Variants in SUMF1 observed in about 807,000 individuals in gnomAD.
SUMF1 encodes the protein sulfatase modifying factor 1.
Under a neutral mutation model 47.6 loss-of-function variants are expected in SUMF1, and 48 were observed. The observed-to-expected ratio is 1.01, with a 90% CI of 0.80 to 1.28. The LOEUF is 1.28. SUMF1 is among the 50% of genes most tolerant of loss of function. The probability of loss-of-function intolerance (pLI) is 0.00; values close to 1 mark genes in which losing one functional copy is unlikely to be tolerated. For missense variants in SUMF1, 571 were observed against 485.4 expected, an observed-to-expected ratio of 1.18 and a Z score of -1.66; for synonymous variants, 230 against 192.1, an observed-to-expected ratio of 1.20 and a Z score of -1.63.
chr3:4,405,412 G>A (rs1466177837), intron 7 of SUMF1, among the ~76,000 whole-genome samples: 1 of 152,084 alleles, frequency 6.6e-6, no homozygotes, highest in Non-Finnish European at 1.5e-5. Context: ...TTTGAGACTG[G>A]GTCTGGCTCT....
At position 4,313,098 on chromosome 3, in the gene SUMF1, T is replaced by G. The variant is rs1426526420; in HGVS notation, c.1014+63232A>C. 45 of 1,613,992 alleles carry G rather than the reference T, an allele frequency of 2.8e-5. No individual in the cohort carries two copies. Among genetic ancestry groups the G allele is most frequent in the Non-Finnish European group, 3.6e-5 (42 of 1,179,960 alleles). On this transcript the variant is annotated intron_variant and NMD_transcript_variant, in intron 8 of 12. Coordinates refer to the SUMF1 transcript ENST00000448413. ...ATGCAGAGCCTGTTTTTGAATGCAA[T>G]GTCCTGTGCCGATGCAGTGACCACT...
At chr3:4,200,771 C>T (rs1376119977) in intron 8 of SUMF1, among the ~76,000 whole-genome samples, 2 of 152,114 alleles carry the variant, frequency 1.3e-5, no homozygotes, top group African/African-American at 4.8e-5. Context: ...CTCTGGAGAA[C>T]CCTGACTAAT....
chr3:4,234,960 A>G (rs1348419708), intron 8 of SUMF1, among the ~76,000 whole-genome samples: 3 of 152,182 alleles, frequency 2.0e-5, no homozygotes, highest in Admixed American at 2.0e-4. Context: ...TGTATAATAC[A>G]TATCAGAGGT....
At position 4,047,643 on chromosome 3, in the gene SUMF1, GA is replaced by G. The variant is rs147748549; in HGVS notation, c.1191+20925del. On this transcript the variant is annotated intron_variant and NMD_transcript_variant, in intron 9 of 12. Coordinates refer to the SUMF1 transcript ENST00000448413. ...GCTACACCATTCCAGCCATACTAAG[GA>G]GATGCACCTCATTAGGTACTAAATG... Among the ~76,000 whole-genome samples the G allele has an allele frequency of 9.4e-3, 1,426 of 152,224 alleles. 21 individuals are homozygous for G. The highest frequency in any genetic ancestry group is 0.033 in the African/African-American group (1,368 of 41,520).
At chr3:4,186,388 T>A (rs1442656286) in intron 8 of SUMF1, among the ~76,000 whole-genome samples, 1 of 152,120 alleles carries the variant, frequency 6.6e-6, no homozygotes, top group African/African-American at 2.4e-5. Flanking sequence ...GGAAGATAAT[T>A]ATATACAGAG....
At chr3:4,206,938 T>C (rs1176137200) in intron 8 of SUMF1, among the ~76,000 whole-genome samples, 1 of 152,152 alleles carries the variant, frequency 6.6e-6, no homozygotes, top group Non-Finnish European at 1.5e-5. Context: ...TAAATCAATT[T>C]GAAGAGAATT....
intron 8 of SUMF1, among the ~76,000 whole-genome samples, chr3:4,139,620 G>A (rs1446083375): frequency 6.6e-6 from 1 of 151,180 alleles, no homozygotes; most frequent in Non-Finnish European, 1.5e-5. Flanking sequence ...TAAGGGGAGA[G>A]CCAGTTGTTA....
chr3:4,243,969 T>G (rs148378914), intron 8 of SUMF1, among the ~76,000 whole-genome samples: 2 of 152,334 alleles, frequency 1.3e-5, no homozygotes, highest in East Asian at 3.9e-4. Flanking sequence ...ATATTTAGGA[T>G]AGTTAGCTCT....
At chr3:4,176,602 C>T (rs1375868444) in intron 8 of SUMF1, among the ~76,000 whole-genome samples, 1 of 152,108 alleles carries the variant, frequency 6.6e-6, no homozygotes, top group East Asian at 1.9e-4. Context: ...TTGTAAAGAC[C>T]ATCGATGATA....
At position 4,062,046 on chromosome 3, in the gene SUMF1, C is replaced by A. The variant is rs1270357983; in HGVS notation, c.1191+6523G>T. On this transcript the variant is annotated intron_variant and NMD_transcript_variant, in intron 9 of 12. Transcript: ENST00000448413. ...TCTAATACCGTCTCACCCTCTCTCTCCTACACCTCAGCCTGAACAGCACCC... is the reference window on the plus strand; with the variant it reads ...TCTAATACCGTCTCACCCTCTCTCTACTACACCTCAGCCTGAACAGCACCC... 2.0e-5 allele frequency among the ~76,000 whole-genome samples: 3 copies of A among 152,054 alleles called. No homozygotes were observed. The East Asian group carries it at 5.8e-4, about 29-fold the overall frequency.
At chr3:4,431,499 A>T (rs1575213674) in intron 3 of SUMF1, among the ~76,000 whole-genome samples, 1 of 152,170 alleles carries the variant, frequency 6.6e-6, no homozygotes, top group Non-Finnish European at 1.5e-5. Context: ...ATGGGGGACC[A>T]CCCCCATGTC....
intron 7 of SUMF1, among the ~76,000 whole-genome samples, chr3:4,407,866 G>C (rs748397669): frequency 1.4e-4 from 22 of 152,158 alleles, no homozygotes; most frequent in Admixed American, 8.5e-4. Context: ...CCAAGGTGGA[G>C]GATCTATGGT....
At chr3:4,349,200 C>T (rs1373473061) in intron 8 of SUMF1, among the ~76,000 whole-genome samples, 1 of 152,104 alleles carries the variant, frequency 6.6e-6, no homozygotes, top group Non-Finnish European at 1.5e-5. Context: ...AGGATATGAA[C>T]AAACACTTCT....
intron 8 of SUMF1, among the ~76,000 whole-genome samples, chr3:4,309,913 C>T (rs143782264): frequency 0.021 from 3,194 of 152,248 alleles, 43 homozygotes; most frequent in African/African-American, 0.027. Context: ...TAGACAATTT[C>T]GTCATTATGC....
chr3:4,321,486 A>AAAAAAAAAAAAAAAAAAAAAAAC (rs1698831042), intron 8 of SUMF1, among the ~76,000 whole-genome samples: 1 of 150,390 alleles, frequency 6.6e-6, no homozygotes, highest in Non-Finnish European at 1.5e-5. Flanking sequence ...AAAAAAAAAA[A>AAAAAAAAAAAAAAAAAAAAAAAC]AAAAAAAGAA....
chr3:4,225,046 T>C (rs551897585), intron 8 of SUMF1, among the ~76,000 whole-genome samples: 1 of 152,132 alleles, frequency 6.6e-6, no homozygotes, highest in African/African-American at 2.4e-5. Context: ...ACTTTAGCTG[T>C]GCACAAGAAG....
At chr3:4,192,416 G>T (rs943922560) in intron 8 of SUMF1, among the ~76,000 whole-genome samples, 2 of 151,536 alleles carry the variant, frequency 1.3e-5, no homozygotes, top group Non-Finnish European at 2.9e-5. Context: ...ATATGACAAT[G>T]GTTAATAGTC....
At chr3:4,336,882 CTA>C (rs1050523008) in intron 8 of SUMF1, among the ~76,000 whole-genome samples, 2 of 152,192 alleles carry the variant, frequency 1.3e-5, no homozygotes, top group African/African-American at 4.8e-5. Flanking sequence ...TACTGAATAA[CTA>C]TCTCTACCAT....
rs572315748 is a variant in SUMF1 at position 4,252,861 on chromosome 3, T to C, written c.1014+123469A>G. 2.6e-5 allele frequency among the ~76,000 whole-genome samples: 4 copies of C among 152,326 alleles called. No individual in the cohort carries two copies. In the South Asian group the frequency reaches 8.3e-4, roughly 32 times the overall value. ...AATCTAAATTTGCACCTGTTTTTAA[T>C]ATTTAAACACAAAAATGCACCCTAA... On this transcript the variant is annotated intron_variant and NMD_transcript_variant, in intron 8 of 12. Transcript: ENST00000448413.
Sources: allele counts gnomAD v4.1 joint callset (sites outside exome capture counted in the v4.1 genomes callset), GRCh38; gene constraint gnomAD v4.1.1; transcripts MANE v1.5; gene names NCBI Gene and HGNC (gene_info 2026-07-23, HGNC 2026-07-21).